The following MLLT3 variants were observed in gnomAD, a reference collection of about 807,000 sequenced individuals.
MLLT3 encodes the protein MLLT3 super elongation complex subunit.
A neutral mutation model predicts 53.2 loss-of-function variants in MLLT3; 4 were observed. That is an observed-to-expected ratio of 0.08 (90% confidence interval 0.04 to 0.17). MLLT3 has a LOEUF of 0.17. Among genes scored for constraint, MLLT3 ranks in the 10% least tolerant of loss-of-function variants. The pLI, the probability that MLLT3 is intolerant of heterozygous loss-of-function variation, is 1.00. For synonymous variants in MLLT3, 283 were observed against 230.6 expected (o/e 1.23, Z -2.06); for missense variants, 569 against 684.0 (o/e 0.83, Z 1.87).
intron 2 of MLLT3, among the ~76,000 whole-genome samples, chr9:20,536,825 C>T (rs1395659287): frequency 6.6e-6 from 1 of 151,822 alleles, no homozygotes; most frequent in African/African-American, 2.4e-5. Flanking sequence ...TGGGACGACT[C>T]CTGCAGGTAG....
intron 5 of MLLT3, among the ~76,000 whole-genome samples, chr9:20,399,797 G>C (rs1822410656): frequency 6.6e-6 from 1 of 152,114 alleles, no homozygotes; most frequent in African/African-American, 2.4e-5. Flanking sequence ...ACTGTTCGAG[G>C]CTGCTAGGGT....
At chr9:20,506,411 C>T (rs1825382793) in intron 2 of MLLT3, among the ~76,000 whole-genome samples, 1 of 152,142 alleles carries the variant, frequency 6.6e-6, no homozygotes, top group African/African-American at 2.4e-5. Flanking sequence ...TCTCCCTTTC[C>T]TCTGCAGCCT....
intron 2 of MLLT3, among the ~76,000 whole-genome samples, chr9:20,589,149 G>A (rs1188136925): frequency 4.7e-5 from 7 of 148,806 alleles, no homozygotes; most frequent in African/African-American, 7.4e-5. Context: ...TGTTTATTGC[G>A]GCACTATTCA....
chr9:20,366,652 T>C (rs1014100628), intron 5 of MLLT3, among the ~76,000 whole-genome samples: 3 of 152,224 alleles, frequency 2.0e-5, no homozygotes, highest in Admixed American at 1.3e-4. Context: ...TAATTTACAC[T>C]CCCACCAACA....
At chr9:20,528,074 G>C (rs1818246080) in intron 2 of MLLT3, among the ~76,000 whole-genome samples, 1 of 152,188 alleles carries the variant, frequency 6.6e-6, no homozygotes, top group Non-Finnish European at 1.5e-5. Flanking sequence ...AATAGTTCCA[G>C]CATTTGGTAC....
chr9:20,372,546 C>T (rs1190345676), intron 5 of MLLT3, among the ~76,000 whole-genome samples: 1 of 147,590 alleles, frequency 6.8e-6, no homozygotes, highest in African/African-American at 2.5e-5. Flanking sequence ...CGCCACCACG[C>T]CCGGCTAATT....
chr9:20,457,139 G>A (rs1823989055), intron 2 of MLLT3, among the ~76,000 whole-genome samples: 1 of 150,168 alleles, frequency 6.7e-6, no homozygotes, highest in South Asian at 2.1e-4. Flanking sequence ...GAAAAGAACT[G>A]TAAGCTTCCT....
intron 2 of MLLT3, among the ~76,000 whole-genome samples, chr9:20,582,765 G>A (rs573482869): frequency 5.3e-5 from 8 of 152,212 alleles, no homozygotes; most frequent in African/African-American, 1.9e-4. Flanking sequence ...ATACTATCGT[G>A]AGAATAACAC....
chr9:20,424,866 G>A (rs1823103318), intron 4 of MLLT3, among the ~76,000 whole-genome samples: 1 of 152,076 alleles, frequency 6.6e-6, no homozygotes, highest in South Asian at 2.1e-4. Flanking sequence ...GATTACAAAA[G>A]CTTAATATAT....
At chr9:20,460,328 G>A (rs1824076799) in intron 2 of MLLT3, among the ~76,000 whole-genome samples, 1 of 152,136 alleles carries the variant, frequency 6.6e-6, no homozygotes, top group South Asian at 2.1e-4. Context: ...GCTACTGAAT[G>A]AATATTCACC....
chr9:20,349,035 T>C (rs911534951), intron 10 of MLLT3, among the ~76,000 whole-genome samples: 1 of 152,222 alleles, frequency 6.6e-6, no homozygotes, highest in African/African-American at 2.4e-5. Context: ...TTTAGAGCTA[T>C]TATAATTTCA....
At chr9:20,573,184 T>G (rs1819574927) in intron 2 of MLLT3, among the ~76,000 whole-genome samples, 1 of 61,214 alleles carries the variant, frequency 1.6e-5, no homozygotes, top group South Asian at 6.0e-4. Flanking sequence ...TTTTTTTTTG[T>G]TTTGTTTTTT....
At chr9:20,478,708 G>A (rs969409521) in intron 2 of MLLT3, among the ~76,000 whole-genome samples, 1 of 152,146 alleles carries the variant, frequency 6.6e-6, no homozygotes, top group African/African-American at 2.4e-5. Flanking sequence ...CTCCTTAATA[G>A]CTATGACCCG....
intron 2 of MLLT3, among the ~76,000 whole-genome samples, chr9:20,605,215 C>T (rs1820530747): frequency 6.6e-6 from 1 of 151,948 alleles, no homozygotes; most frequent in Non-Finnish European, 1.5e-5. Context: ...TTACAATTTC[C>T]TACCAAAAAC....
At chr9:20,618,284 C>T (rs1196115790) in intron 2 of MLLT3, among the ~76,000 whole-genome samples, 1 of 152,178 alleles carries the variant, frequency 6.6e-6, no homozygotes, top group East Asian at 1.9e-4. Flanking sequence ...AGTAGACATA[C>T]AAATTCTTGG....
intron 2 of MLLT3, among the ~76,000 whole-genome samples, chr9:20,528,374 CA>C (rs1293764518): frequency 6.6e-6 from 1 of 152,156 alleles, no homozygotes; most frequent in Admixed American, 6.5e-5. Context: ...CGCCAAAACC[CA>C]ACTGGTAACA....
intron 5 of MLLT3, among the ~76,000 whole-genome samples, chr9:20,412,767 C>T (rs1401735903): frequency 6.6e-6 from 1 of 151,874 alleles, no homozygotes; most frequent in African/African-American, 2.4e-5. Context: ...TGAAAAAAGG[C>T]CAAAATTAGA....
At chr9:20,547,576 G>A (rs922976621) in intron 2 of MLLT3, among the ~76,000 whole-genome samples, 2 of 150,918 alleles carry the variant, frequency 1.3e-5, no homozygotes, top group African/African-American at 2.4e-5. Flanking sequence ...CCTGGGAGGC[G>A]GAGGTTGCAG....
chr9:20,371,263 A>G (rs115600882), intron 5 of MLLT3, among the ~76,000 whole-genome samples: 2,812 of 152,350 alleles, frequency 0.018, 89 homozygotes, highest in African/African-American at 0.064. Flanking sequence ...GCAGGAAGTT[A>G]TCCAGAAGAT....
Sources: allele counts gnomAD v4.1 joint callset (sites outside exome capture counted in the v4.1 genomes callset), GRCh38; gene constraint gnomAD v4.1.1; transcripts MANE v1.5; gene names NCBI Gene and HGNC (gene_info 2026-07-23, HGNC 2026-07-21).